The following GSK3B variants were observed in gnomAD, a reference collection of about 807,000 sequenced individuals.
The protein encoded by GSK3B is glycogen synthase kinase-3 beta.
A neutral mutation model predicts 56.4 loss-of-function variants in GSK3B; 15 were observed. The observed-to-expected ratio is 0.27, with a 90% CI of 0.18 to 0.41. GSK3B has a LOEUF of 0.41. GSK3B is among the 10% of genes least tolerant of loss of function. The pLI, the probability that GSK3B is intolerant of heterozygous loss-of-function variation, is 1.00. For synonymous variants in GSK3B, 181 were observed against 188.9 expected, an observed-to-expected ratio of 0.96 and a Z score of 0.34; for missense variants, 300 against 513.4, an observed-to-expected ratio of 0.58 and a Z score of 4.02.
chr3:119,967,799 T>C (rs1300071689), intron 2 of GSK3B, among the ~76,000 whole-genome samples: 1 of 144,048 alleles, frequency 6.9e-6, no homozygotes, highest in African/African-American at 2.6e-5. Flanking sequence ...TCTCTCTCTC[T>C]CCCTCTCTCC....
In GSK3B at chr3:119,825,811, G is replaced by C. The variant is rs2055494954; in HGVS notation, c.*977C>G. 4.5e-6 allele frequency: 1 copy of C among 220,092 alleles called. No homozygotes were observed. Among genetic ancestry groups the C allele is most frequent in the Non-Finnish European group, 9.1e-6 (1 of 109,978 alleles). 13.6% of individuals were successfully genotyped at this position (220,092 alleles called of 1,614,324 possible). On this transcript the variant is annotated 3_prime_UTR_variant, in exon 11 of 11. Coordinates refer to ENST00000264235, the MANE Select transcript of GSK3B (RefSeq NM_001146156.2). ...TTATTTAACTACAATGTCCTCTCAA[G>C]TGTATCTTTCCAAGGGAAGTAACTT...
chr3:119,834,043 A>G (rs1460373414), intron 10 of GSK3B, among the ~76,000 whole-genome samples: 1 of 152,102 alleles, frequency 6.6e-6, no homozygotes, highest in Non-Finnish European at 1.5e-5. Flanking sequence ...CTCTTGCCCA[A>G]TAACAATCTC....
rs929812183 is a variant in GSK3B, at chr3:119,972,222, A to G, written c.283-24871T>C. On this transcript the variant is annotated intron_variant, in intron 2 of 10. Transcript: ENST00000264235. ...AACTTTATGTAAGAAATTTCAAGGTACAACACAATGAGATTCAAATAAGGT... is the reference window on the plus strand; with the variant it reads ...AACTTTATGTAAGAAATTTCAAGGTGCAACACAATGAGATTCAAATAAGGT... 2.0e-5 allele frequency among the ~76,000 whole-genome samples: 3 copies of G among 152,364 alleles called. No homozygotes were observed. The East Asian group carries it at 5.8e-4, about 29-fold the overall frequency.
At chr3:119,829,663 G>A (rs773566459) in intron 10 of GSK3B, among the ~76,000 whole-genome samples, 3 of 152,226 alleles carry the variant, frequency 2.0e-5, no homozygotes, top group Non-Finnish European at 2.9e-5. Flanking sequence ...CAGCCTGTGA[G>A]CTTGTGACAT....
chr3:120,068,121 G>A (rs760066782), intron 1 of GSK3B, among the ~76,000 whole-genome samples: 8 of 152,146 alleles, frequency 5.3e-5, no homozygotes, highest in Non-Finnish European at 1.0e-4. Flanking sequence ...GGCCAGGCGC[G>A]GTGGCTCATG....
At chr3:119,937,567 A>G (rs1045081154) in intron 3 of GSK3B, among the ~76,000 whole-genome samples, 1 of 152,090 alleles carries the variant, frequency 6.6e-6, no homozygotes, top group Non-Finnish European at 1.5e-5. Flanking sequence ...ATACTCTTAA[A>G]CAAGAAAAAT....
intron 2 of GSK3B, among the ~76,000 whole-genome samples, chr3:119,999,818 T>C (rs1172816301): frequency 6.6e-6 from 1 of 152,152 alleles, no homozygotes; most frequent in Non-Finnish European, 1.5e-5. Flanking sequence ...GAGAAGAACA[T>C]ATTTCAAGGA....
intron 3 of GSK3B, among the ~76,000 whole-genome samples, chr3:119,935,109 G>T (rs1053582723): frequency 1.3e-5 from 2 of 151,990 alleles, no homozygotes; most frequent in African/African-American, 4.8e-5. Flanking sequence ...TCAAACTCAA[G>T]AGCTTTATTA....
chr3:119,895,346 C>T (rs959364338), intron 7 of GSK3B, among the ~76,000 whole-genome samples: 2 of 152,082 alleles, frequency 1.3e-5, no homozygotes, highest in African/African-American at 4.8e-5. Flanking sequence ...TAGGTACTTA[C>T]GTTGTTTCCA....
intron 2 of GSK3B, among the ~76,000 whole-genome samples, chr3:119,988,985 T>C (rs2057539844): frequency 2.0e-5 from 3 of 152,378 alleles, no homozygotes; most frequent in Admixed American, 1.3e-4. Flanking sequence ...CTAACATTTT[T>C]CAGTTTTTAT....
At chr3:119,891,427 T>C (rs943469161) in intron 7 of GSK3B, among the ~76,000 whole-genome samples, 2 of 152,142 alleles carry the variant, frequency 1.3e-5, no homozygotes, top group African/African-American at 2.4e-5. Flanking sequence ...TTAGGTTTTA[T>C]ATTAAGTTTT....
intron 2 of GSK3B, among the ~76,000 whole-genome samples, chr3:119,963,581 G>A (rs1160633920): frequency 1.5e-5 from 2 of 133,366 alleles, no homozygotes; most frequent in Non-Finnish European, 3.0e-5. Flanking sequence ...TTATGCCACG[G>A]CACTCCAGCC....
In GSK3B at chr3:120,093,484, T is replaced by C; in HGVS notation, c.-50A>G. ...TTTCCTTCCTTCCTCCTTTTCTTCC[T>C]TTTGTCTTTATGTTGGGGTGTTAGG... On this transcript the variant is annotated 5_prime_UTR_variant, in exon 1 of 11. Coordinates refer to ENST00000264235, the MANE Select transcript of GSK3B (RefSeq NM_001146156.2). The C allele has an allele frequency of 1.6e-6, 2 of 1,239,308 alleles. No homozygotes were observed. Among genetic ancestry groups the C allele is most frequent in the Non-Finnish European group, 2.4e-6 (2 of 839,646 alleles). The allele number at this position is 1,239,308 out of a possible 1,614,324, so 76.8% of individuals were successfully genotyped here. A position where few individuals can be genotyped will look rare whatever the true frequency, so the allele number is the denominator to read the frequency against.
chr3:119,932,504 G>GTTT (rs199622255), intron 3 of GSK3B, among the ~76,000 whole-genome samples: 1 of 139,492 alleles, frequency 7.2e-6, no homozygotes, highest in African/African-American at 2.6e-5. Context: ...TTACCAAAGG[G>GTTT]TTTTTTTTTT....
intron 2 of GSK3B, among the ~76,000 whole-genome samples, chr3:119,966,921 CAAAT>C (rs1242335086): frequency 6.6e-6 from 1 of 151,966 alleles, no homozygotes; most frequent in Non-Finnish European, 1.5e-5. Context: ...ATAAATTTAA[CAAAT>C]GAATGTAAGA....
intron 1 of GSK3B, among the ~76,000 whole-genome samples, chr3:120,045,644 G>A (rs2058096900): frequency 6.6e-6 from 1 of 152,136 alleles, no homozygotes; most frequent in Non-Finnish European, 1.5e-5. Context: ...CTGTGCTCTC[G>A]CCATTGCTCC....
intron 2 of GSK3B, among the ~76,000 whole-genome samples, chr3:119,996,192 A>G (rs900055677): frequency 6.6e-6 from 1 of 152,262 alleles, no homozygotes; most frequent in African/African-American, 2.4e-5. Flanking sequence ...TAATTGGTGA[A>G]ATACCCACAC....
At chr3:119,863,346 T>A (rs1229090768) in intron 9 of GSK3B, 73 bp downstream of exon 9, 1 of 1,199,738 alleles carries the variant, frequency 8.3e-7, no homozygotes, top group African/African-American at 1.5e-5. Flanking sequence ...AGATTTTAAT[T>A]AATAGAATGT....
In GSK3B at chr3:119,995,030, T is replaced by A. The variant is rs183294388; in HGVS notation, c.282+7016A>T. Among the ~76,000 whole-genome samples the A allele has an allele frequency of 3.7e-4, 56 of 151,862 alleles. 1 individual carries two copies. Among genetic ancestry groups the A allele is most frequent in the Admixed American group, 3.3e-3 (50 of 15,216 alleles). ...CATACTTAAAAGTTGCACTCAAACA[T>A]TTCAGGAAATAATATGTGTAGCCTG... On this transcript the variant is annotated intron_variant, in intron 2 of 10. Transcript: ENST00000264235.
Sources: gnomAD v4.1 joint callset for allele counts (sites outside exome capture counted in the v4.1 genomes callset) on GRCh38, gnomAD v4.1.1 for gene constraint, MANE v1.5 for transcripts, NCBI Gene and HGNC (gene_info 2026-07-23, HGNC 2026-07-21) for gene names.